Variants in SOX6 observed in about 807,000 individuals in gnomAD.
SOX6 encodes the protein SRY-box transcription factor 6.
Under a neutral mutation model 97.8 loss-of-function variants are expected in SOX6, and 11 were observed. That is an observed-to-expected ratio of 0.11 (90% CI 0.07 to 0.19). SOX6 has a LOEUF of 0.19. SOX6 is among the 10% of genes least tolerant of loss of function. The probability of loss-of-function intolerance (pLI) is 1.00; values close to 1 mark genes in which losing one functional copy is unlikely to be tolerated. For synonymous variants in SOX6, 360 were observed against 371.4 expected (o/e 0.97, Z 0.35); for missense variants, 810 against 1,039.5 (o/e 0.78, Z 3.04).
rs1344237040 is a variant in SOX6 at position 16,278,475 on chromosome 11, A to G, written c.445+39971T>C. 7.9e-5 allele frequency among the ~76,000 whole-genome samples: 12 copies of G among 152,178 alleles called. No individual in the cohort carries two copies. The East Asian group carries it at 2.1e-3, about 27-fold the overall frequency. ...ACACTTCATCTGATCAAAACTATAC[A>G]CTAGAAAATATTACTCAGAGCTCAT... On this transcript the variant is annotated intron_variant, in intron 3 of 15. Transcript: ENST00000683767.
chr11:16,437,756 A>G (rs1339739567), intron 1 of SOX6, among the ~76,000 whole-genome samples: 1 of 137,064 alleles, frequency 7.3e-6, no homozygotes, highest in African/African-American at 2.6e-5. Context: ...ATATGGGGAA[A>G]ATTATTTAAC....
intron 3 of SOX6, among the ~76,000 whole-genome samples, chr11:16,648,480 C>T (rs759244643): frequency 1.6e-4 from 25 of 152,236 alleles, no homozygotes; most frequent in Middle Eastern, 6.8e-3. Flanking sequence ...AAATACTTAC[C>T]CTGGACATGT....
intron 3 of SOX6, chr11:16,283,743 T>C: frequency 4.0e-6 from 1 of 252,802 alleles, no homozygotes; most frequent in South Asian, 3.9e-5. Flanking sequence ...TAACAAAGAA[T>C]GATTATATTT....
At chr11:16,579,870 T>C (rs1034818013) in intron 4 of SOX6, among the ~76,000 whole-genome samples, 1 of 152,182 alleles carries the variant, frequency 6.6e-6, no homozygotes, top group Non-Finnish European at 1.5e-5. Flanking sequence ...TACTGCCAGA[T>C]AGTTTTCAAA....
chr11:16,252,020 A>T (rs1282845063), intron 3 of SOX6, among the ~76,000 whole-genome samples: 1 of 152,114 alleles, frequency 6.6e-6, no homozygotes. Context: ...GCAATGTAAG[A>T]CTAGGAGAGT....
chr11:16,507,480 A>G (rs1397789762), intron 4 of SOX6, among the ~76,000 whole-genome samples: 1 of 152,214 alleles, frequency 6.6e-6, no homozygotes, highest in Non-Finnish European at 1.5e-5. Context: ...GCAAAAAGAA[A>G]AAAGCTCAAG....
At chr11:16,453,868 T>C (rs1431396462) in intron 1 of SOX6, among the ~76,000 whole-genome samples, 1 of 152,148 alleles carries the variant, frequency 6.6e-6, no homozygotes, top group African/African-American at 2.4e-5. Flanking sequence ...CACACATTGC[T>C]GAAATTACTT....
chr11:16,053,249 T>C (rs1468316417), intron 10 of SOX6, among the ~76,000 whole-genome samples: 1 of 152,196 alleles, frequency 6.6e-6, no homozygotes, highest in East Asian at 1.9e-4. Context: ...CCTGTACTAC[T>C]ATTGTAAATG....
intron 2 of SOX6, among the ~76,000 whole-genome samples, chr11:16,728,432 C>G (rs958578144): frequency 3.9e-5 from 6 of 152,174 alleles, no homozygotes; most frequent in African/African-American, 1.4e-4. Context: ...GATAGCCAGG[C>G]AAACAGGGTC....
At chr11:16,447,262 C>T (rs1324205318) in intron 1 of SOX6, among the ~76,000 whole-genome samples, 1 of 152,060 alleles carries the variant, frequency 6.6e-6, no homozygotes, top group African/African-American at 2.4e-5. Flanking sequence ...AGGAAAAGAG[C>T]ACAGTCATTG....
chr11:16,024,984 TA>T (rs1168358383), intron 12 of SOX6, among the ~76,000 whole-genome samples: 1 of 152,152 alleles, frequency 6.6e-6, no homozygotes, highest in African/African-American at 2.4e-5. Flanking sequence ...CATCAGATGA[TA>T]AATGATACAG....
intron 4 of SOX6, among the ~76,000 whole-genome samples, chr11:16,229,513 T>A (rs1358562726): frequency 6.6e-6 from 1 of 151,534 alleles, no homozygotes; most frequent in Non-Finnish European, 1.5e-5. Context: ...GGTAGAGCAA[T>A]AAATAGAAAA....
chr11:16,270,912 T>A (rs1854240292), intron 3 of SOX6, among the ~76,000 whole-genome samples: 1 of 151,202 alleles, frequency 6.6e-6, no homozygotes, highest in Non-Finnish European at 1.5e-5. Context: ...GAGTTTCTAT[T>A]TAGGGTAATG....
At chr11:15,993,404 T>C (rs1854114324) in intron 13 of SOX6, among the ~76,000 whole-genome samples, 1 of 152,186 alleles carries the variant, frequency 6.6e-6, no homozygotes, top group Non-Finnish European at 1.5e-5. Context: ...TCTTCTCCTT[T>C]TAACAGCAGA....
intron 6 of SOX6, among the ~76,000 whole-genome samples, chr11:16,150,559 C>A (rs1378094973): frequency 6.6e-6 from 1 of 152,124 alleles, no homozygotes; most frequent in Admixed American, 6.6e-5. Flanking sequence ...GAATATTGAG[C>A]AAGGAGTCTA....
intron 6 of SOX6, among the ~76,000 whole-genome samples, chr11:16,114,051 C>A (rs1461499770): frequency 6.6e-6 from 1 of 152,022 alleles, no homozygotes; most frequent in Admixed American, 6.6e-5. Flanking sequence ...AGAGCTGGTC[C>A]AGTAAAGAAA....
rs7934582 is a variant in SOX6 at position 16,509,735 on chromosome 11, T to C, written n.610-33347A>G. 8.7e-3 allele frequency among the ~76,000 whole-genome samples: 1,321 copies of C among 152,166 alleles called. 22 individuals carry two copies. Among genetic ancestry groups the C allele is most frequent in the African/African-American group, 0.029 (1,206 of 41,574 alleles). On this transcript the variant is annotated intron_variant and non_coding_transcript_variant, in intron 4 of 5. Transcript: ENST00000524520. ...TATTTTAATCGGGCATATTGAGCAATAAACAGCTCTTTCTTCCAGCTAACT... is the reference window on the plus strand; with the variant it reads ...TATTTTAATCGGGCATATTGAGCAACAAACAGCTCTTTCTTCCAGCTAACT...
chr11:16,275,936 T>C (rs967969904), intron 3 of SOX6, among the ~76,000 whole-genome samples: 2 of 152,196 alleles, frequency 1.3e-5, no homozygotes, highest in African/African-American at 2.4e-5. Flanking sequence ...TTTTTACCTA[T>C]AGTGGAATAA....
chr11:16,701,684 G>A (rs545062178), intron 3 of SOX6, among the ~76,000 whole-genome samples: 2 of 149,872 alleles, frequency 1.3e-5, no homozygotes, highest in Admixed American at 1.3e-4. Context: ...GTGAAACCCC[G>A]TCTCCACTAA....
Sources: gnomAD v4.1 joint callset for allele counts (sites outside exome capture counted in the v4.1 genomes callset) on GRCh38, gnomAD v4.1.1 for gene constraint, MANE v1.5 for transcripts, NCBI Gene and HGNC (gene_info 2026-07-23, HGNC 2026-07-21) for gene names.